Variants in KLHL32 observed in about 807,000 individuals in gnomAD.
KLHL32 encodes kelch-like protein 32.
KLHL32 carries 35 observed loss-of-function variants against 64.8 expected under a neutral mutation model. That is an observed-to-expected ratio of 0.54 (90% CI 0.41 to 0.72). The LOEUF (loss-of-function observed/expected upper bound fraction) is 0.72. KLHL32 is among the 30% of genes least tolerant of loss of function. The pLI is 0.00. For missense variants in KLHL32, 589 were observed against 768.5 expected (o/e 0.77, Z 2.76); for synonymous variants, 259 against 281.0 (o/e 0.92, Z 0.78).
the KLHL32 span, among the ~76,000 whole-genome samples, chr6:96,911,775 C>T: frequency 7.0e-6 from 1 of 142,532 alleles, no homozygotes. Flanking sequence ...ATTGGCCATG[C>T]CCTTCTTTTG....
chr6:97,128,823 G>C (rs1004486759), intron 8 of KLHL32, among the ~76,000 whole-genome samples: 3 of 152,244 alleles, frequency 2.0e-5, no homozygotes, highest in African/African-American at 7.2e-5. Context: ...GGAAGCTAAA[G>C]ATATAATCAG....
chr6:97,138,928 A>C (rs923005447), intron 10 of KLHL32, among the ~76,000 whole-genome samples, 193 bp from the exon 11 acceptor site: 4 of 152,230 alleles, frequency 2.6e-5, no homozygotes, highest in African/African-American at 9.6e-5. Flanking sequence ...ATCCAAAAAC[A>C]TACTAACATA....
chr6:97,079,660 A>G (rs1049859880), intron 5 of KLHL32, among the ~76,000 whole-genome samples: 11 of 152,170 alleles, frequency 7.2e-5, no homozygotes, highest in African/African-American at 2.7e-4. Context: ...GACACATTTT[A>G]TGGCTCCTCT....
chr6:97,014,752 G>A (rs1032897268), intron 3 of KLHL32, among the ~76,000 whole-genome samples: 7 of 152,208 alleles, frequency 4.6e-5, no homozygotes, highest in Admixed American at 1.3e-4. Flanking sequence ...AAAGGATGCA[G>A]CCAAGTCTCA....
At chr6:97,095,022 C>G (rs982668457) in intron 6 of KLHL32, among the ~76,000 whole-genome samples, 11 of 152,304 alleles carry the variant, frequency 7.2e-5, no homozygotes, top group South Asian at 2.1e-4. Flanking sequence ...TTGATTAATT[C>G]ATTTGCTCTT....
intron 4 of KLHL32, among the ~76,000 whole-genome samples, chr6:97,060,239 A>G (rs1230009790): frequency 6.6e-6 from 1 of 152,218 alleles, no homozygotes; most frequent in East Asian, 1.9e-4. Flanking sequence ...GGCAGGAGAA[A>G]AAAAAAGGTC....
intron 6 of KLHL32, among the ~76,000 whole-genome samples, chr6:97,093,752 C>T (rs980522044): frequency 1.3e-5 from 2 of 152,014 alleles, no homozygotes; most frequent in Non-Finnish European, 2.9e-5. Context: ...TTAGAGAATT[C>T]TGGCAGAGGG....
intron 1 of KLHL32, among the ~76,000 whole-genome samples, chr6:96,965,867 TA>T (rs1016499607): frequency 6.6e-6 from 1 of 151,934 alleles, no homozygotes; most frequent in Non-Finnish European, 1.5e-5. Flanking sequence ...TTTTAATAAT[TA>T]AAAAAAGAAA....
At chr6:97,057,204 GAC>G (rs779112224) in intron 4 of KLHL32, among the ~76,000 whole-genome samples, 1 of 39,374 alleles carries the variant, frequency 2.5e-5, no homozygotes, top group Admixed American at 4.7e-4. Context: ...TTTTTTTTGA[GAC>G]GGAGTTTCGC....
chr6:97,007,060 C>T (rs9374284), intron 3 of KLHL32, among the ~76,000 whole-genome samples: 23,934 of 152,028 alleles, frequency 0.16, 2,151 homozygotes, highest in East Asian at 0.38. Flanking sequence ...GGGAAATTTT[C>T]ATGAAAGATA....
chr6:97,026,153 G>C (rs1200009521), intron 3 of KLHL32, among the ~76,000 whole-genome samples: 1 of 151,876 alleles, frequency 6.6e-6, no homozygotes, highest in Non-Finnish European at 1.5e-5. Flanking sequence ...TTTTTAAAAG[G>C]TGTTTGAAAG....
chr6:96,899,044 T>C, the KLHL32 span, among the ~76,000 whole-genome samples: 1 of 151,990 alleles, frequency 6.6e-6, no homozygotes, highest in Non-Finnish European at 1.5e-5. Flanking sequence ...AAAGGGAAAG[T>C]TTTTTAAAAA....
chr6:96,985,854 A>C (rs925470282), intron 3 of KLHL32, among the ~76,000 whole-genome samples: 4 of 152,018 alleles, frequency 2.6e-5, no homozygotes, highest in Non-Finnish European at 4.4e-5. Flanking sequence ...TGATTGTCTG[A>C]AGCCTTCTTG....
chr6:96,967,187 A>G, intron 2 of KLHL32, 104 bp downstream of exon 2: 1 of 979,436 alleles, frequency 1.0e-6, no homozygotes, highest in Non-Finnish European at 1.6e-6. Flanking sequence ...TGCATATTTG[A>G]AGGAATCATC....
At chr6:96,989,448 T>A (rs1375538665) in intron 3 of KLHL32, among the ~76,000 whole-genome samples, 1 of 152,092 alleles carries the variant, frequency 6.6e-6, no homozygotes, top group East Asian at 1.9e-4. Flanking sequence ...GCTTGTAGGG[T>A]TTCTTTTGAA....
intron 1 of KLHL32, among the ~76,000 whole-genome samples, chr6:96,961,349 G>A (rs926905092): frequency 6.3e-4 from 96 of 152,060 alleles, no homozygotes; most frequent in Non-Finnish European, 1.8e-4. Flanking sequence ...TGGTAGGATT[G>A]GTATGCATCC....
At chr6:97,108,267 A>G (rs1364246013) in intron 6 of KLHL32, among the ~76,000 whole-genome samples, 1 of 152,208 alleles carries the variant, frequency 6.6e-6, no homozygotes, top group Non-Finnish European at 1.5e-5. Context: ...GTATGCCAGA[A>G]TAAATAAGAT....
At chr6:96,989,712 T>TC (rs148363033) in intron 3 of KLHL32, among the ~76,000 whole-genome samples, 4,624 of 152,202 alleles carry the variant, frequency 0.03, 87 homozygotes, top group Middle Eastern at 0.065. Context: ...TTGCTTTTTC[T>TC]CCCCCCCTCT....
At chr6:97,070,117 T>C (rs1790472947) in intron 5 of KLHL32, among the ~76,000 whole-genome samples, 1 of 152,140 alleles carries the variant, frequency 6.6e-6, no homozygotes, top group Admixed American at 6.5e-5. Flanking sequence ...TACCAACATA[T>C]ATATTTAATA....
Sources: gnomAD v4.1 joint callset for allele counts (sites outside exome capture counted in the v4.1 genomes callset) on GRCh38, gnomAD v4.1.1 for gene constraint, MANE v1.5 for transcripts, NCBI Gene and HGNC (gene_info 2026-07-23, HGNC 2026-07-21) for gene names.